BMPR1B: variants seen among roughly 807,000 people sequenced by gnomAD.
The protein encoded by BMPR1B is bone morphogenetic protein receptor type 1B.
Under a neutral mutation model 59.1 loss-of-function variants are expected in BMPR1B, and 12 were observed. That is an observed-to-expected ratio of 0.20 (90% confidence interval 0.13 to 0.33). The LOEUF (loss-of-function observed/expected upper bound fraction) is 0.33. BMPR1B is among the 10% of genes least tolerant of loss of function. The pLI is 1.00. For missense variants in BMPR1B, 550 were observed against 610.9 expected (o/e 0.90, Z 1.05); for synonymous variants, 237 against 207.3 (o/e 1.14, Z -1.23).
At chr4:95,104,603 A>G (rs1288229393) in intron 4 of BMPR1B, 36 bp downstream of exon 4, 2 of 1,610,642 alleles carry the variant, frequency 1.2e-6, no homozygotes, top group East Asian at 2.2e-5. Context: ...TAGCTTTAAC[A>G]AAAAGTCACA....
At chr4:94,858,123 TG>T (rs1725840461) in intron 1 of BMPR1B, among the ~76,000 whole-genome samples, 1 of 151,328 alleles carries the variant, frequency 6.6e-6, no homozygotes, top group Non-Finnish European at 1.5e-5. Flanking sequence ...TTTTTTTTTT[TG>T]TATTTTTAGT....
At chr4:94,842,175 A>G (rs578121335) in intron 1 of BMPR1B, among the ~76,000 whole-genome samples, 1 of 152,342 alleles carries the variant, frequency 6.6e-6, no homozygotes, top group East Asian at 1.9e-4. Context: ...TTTACGTTAT[A>G]TTTCCTAATA....
chr4:94,900,967 G>A (rs1460747325), intron 2 of BMPR1B, among the ~76,000 whole-genome samples: 1 of 151,844 alleles, frequency 6.6e-6, no homozygotes, highest in Admixed American at 6.6e-5. Flanking sequence ...GCTAAGCTTT[G>A]CACATCCATT....
At chr4:94,774,285 A>G (rs1722289298) in intron 1 of BMPR1B, among the ~76,000 whole-genome samples, 1 of 152,024 alleles carries the variant, frequency 6.6e-6, no homozygotes, top group Non-Finnish European at 1.5e-5. Context: ...CTCTTAGTAT[A>G]AAATAGGAAG....
At chr4:94,829,439 G>T (rs1237208025) in intron 1 of BMPR1B, among the ~76,000 whole-genome samples, 1 of 150,956 alleles carries the variant, frequency 6.6e-6, no homozygotes. Context: ...ATGCCTGGAT[G>T]ATTTTTGTAG....
At chr4:94,917,349 C>T (rs1728523125) in intron 2 of BMPR1B, among the ~76,000 whole-genome samples, 1 of 152,164 alleles carries the variant, frequency 6.6e-6, no homozygotes. Context: ...AAGCCAGAGG[C>T]ATTTAACTTC....
intron 6 of BMPR1B, among the ~76,000 whole-genome samples, chr4:95,116,235 C>T (rs1389081413): frequency 6.6e-6 from 1 of 151,760 alleles, no homozygotes; most frequent in Non-Finnish European, 1.5e-5. Flanking sequence ...ACCTTTTAGT[C>T]AAATCGTATC....
At chr4:94,869,851 A>G (rs1002235546) in intron 1 of BMPR1B, among the ~76,000 whole-genome samples, 2 of 152,140 alleles carry the variant, frequency 1.3e-5, no homozygotes, top group East Asian at 3.9e-4. Flanking sequence ...TAATGGTTGT[A>G]AGGAATAGAG....
In BMPR1B at chr4:95,123,851, T is replaced by A. The variant is rs561117066; in HGVS notation, c.391T>A (p.Ser131Thr). 17 of 1,612,406 alleles carry A rather than the reference T, an allele frequency of 1.1e-5. No individual in the cohort carries two copies. In the East Asian group the frequency reaches 1.3e-4, roughly 13 times the overall value. Residue 131 changes from serine to threonine, a missense_variant, in exon 7 of 13, where the codon TCT (serine) becomes ACT (threonine). Coordinates refer to ENST00000515059, the MANE Select transcript of BMPR1B (RefSeq NM_001203.3). ...TATACACCACAGGGCTTTACTTATA[T>A]CTGTGACTGTCTGTAGTTTGCTCTT... The part of the protein sequence containing the change: ...GPIHHRALLI[S>T]VTVCSLLLVL...
intron 1 of BMPR1B, among the ~76,000 whole-genome samples, chr4:94,804,732 A>AT (rs1723543600): frequency 6.6e-6 from 1 of 151,432 alleles, no homozygotes; most frequent in African/African-American, 2.4e-5. Context: ...TTTGGGAACT[A>AT]TTTTTTGGTA....
At chr4:94,887,378 T>A (rs1578763193) in intron 2 of BMPR1B, among the ~76,000 whole-genome samples, 13 of 78,358 alleles carry the variant, frequency 1.7e-4, no homozygotes, top group South Asian at 3.7e-4. Flanking sequence ...TGGAGGGAAA[T>A]ACCACCTTCA....
intron 2 of BMPR1B, among the ~76,000 whole-genome samples, chr4:94,946,096 C>T (rs932352311): frequency 6.6e-6 from 1 of 152,020 alleles, no homozygotes. Flanking sequence ...CTTAGAATAA[C>T]AATAATCTTG....
chr4:95,036,810 G>GGTTGTA (rs1358832618), intron 3 of BMPR1B, among the ~76,000 whole-genome samples: 1 of 149,650 alleles, frequency 6.7e-6, no homozygotes, highest in African/African-American at 2.5e-5. Flanking sequence ...TTTCTGTAGT[G>GGTTGTA]GTTGTAGTAA....
chr4:94,872,602 C>A (rs1214660290), intron 1 of BMPR1B, among the ~76,000 whole-genome samples: 1 of 152,032 alleles, frequency 6.6e-6, no homozygotes, highest in African/African-American at 2.4e-5. Context: ...AAGAAAAATG[C>A]TGGATGCCAG....
At chr4:94,971,666 A>T (rs1730796575) in intron 2 of BMPR1B, among the ~76,000 whole-genome samples, 2 of 152,046 alleles carry the variant, frequency 1.3e-5, no homozygotes, top group South Asian at 4.2e-4. Flanking sequence ...TAAGATTTTT[A>T]AAATAAAATA....
chr4:95,131,509 T>G lies in BMPR1B; in HGVS notation c.1073T>G (p.Ile358Ser). Reference protein sequence around the residue: ...IADLGLAVKFISDTNEVDIPP... With the variant: ...IADLGLAVKFSSDTNEVDIPP... ...GACCTGGGCCTGGCTGTTAAATTTA[T>G]TAGGTTAGTATCAAAGTGAACAAAT... Residue 358 changes from isoleucine (I) to serine (S), a missense_variant, in exon 10 of 13, where the codon ATT becomes AGT. Around this residue, in one of 6 missense-constraint regions of BMPR1B, gnomAD observed 318 missense variants for 284.6 expected, o/e 1.12. Transcript: ENST00000515059. The G allele has an allele frequency of 6.2e-7, 1 of 1,614,012 alleles. No individual in the cohort carries two copies. Among genetic ancestry groups the G allele is most frequent in the Non-Finnish European group, 8.5e-7 (1 of 1,179,926 alleles).
intron 1 of BMPR1B, among the ~76,000 whole-genome samples, chr4:94,792,991 G>T (rs1231602692): frequency 7.1e-6 from 1 of 140,036 alleles, no homozygotes; most frequent in South Asian, 2.5e-4. Flanking sequence ...CCAATAGAAG[G>T]ATCTATAGAA....
chr4:95,087,400 TA>T (rs1362512455), intron 3 of BMPR1B, among the ~76,000 whole-genome samples: 1 of 152,076 alleles, frequency 6.6e-6, no homozygotes, highest in Non-Finnish European at 1.5e-5. Flanking sequence ...AGATGTAAAA[TA>T]GCACTCGTGT....
chr4:94,796,773 A>G (rs1469505915), intron 1 of BMPR1B, among the ~76,000 whole-genome samples: 1 of 152,144 alleles, frequency 6.6e-6, no homozygotes, highest in Non-Finnish European at 1.5e-5. Flanking sequence ...ATTATTTTCC[A>G]ATGTCATTCA....
Sources: gnomAD v4.1 joint callset for allele counts (sites outside exome capture counted in the v4.1 genomes callset) on GRCh38, gnomAD v4.1.1 for gene constraint, gnomAD v4.1.1 regional missense constraint, MANE v1.5 for transcripts, NCBI Gene and HGNC (gene_info 2026-07-23, HGNC 2026-07-21) for gene names.